The following ETV1 variants were observed in gnomAD, a reference collection of about 807,000 sequenced individuals.
ETV1 encodes the protein ETS variant transcription factor 1, also known as ETS translocation variant 1.
A neutral mutation model predicts 62.3 loss-of-function variants in ETV1; 27 were observed. The ratio of observed to expected loss-of-function variants is 0.43; its 90% CI spans 0.32 to 0.60. The LOEUF is 0.60. ETV1 is among the 20% of genes least tolerant of loss of function. The pLI is 0.06. For synonymous variants in ETV1, 222 were observed against 199.6 expected, an observed-to-expected ratio of 1.11 and a Z score of -0.94; for missense variants, 605 against 605.8, an observed-to-expected ratio of 1.00 and a Z score of 0.01.
At chr7:13,937,470 G>A (rs1373388036) in intron 7 of ETV1, among the ~76,000 whole-genome samples, 2 of 152,122 alleles carry the variant, frequency 1.3e-5, no homozygotes, top group African/African-American at 4.8e-5. Context: ...ATCACTGTGG[G>A]GACTTTTCAT....
In ETV1 at chr7:13,965,645, T is replaced by A. The variant is rs527876802; in HGVS notation, c.235+11782A>T. ...GGTTTCTCTTCATGTAAAACAGGAA[T>A]AATATCAAGTTATTTCAGAGTATTT... On this transcript the variant is annotated intron_variant, in intron 6 of 13. Transcript: ENST00000430479. Among the ~76,000 whole-genome samples, 3 of 152,270 alleles carry A rather than the reference T, an allele frequency of 2.0e-5. No homozygotes were observed. The South Asian group carries it at 6.2e-4, about 32-fold the overall frequency.
intron 6 of ETV1, among the ~76,000 whole-genome samples, chr7:13,971,553 G>A (rs768319472): frequency 1.3e-5 from 2 of 152,140 alleles, no homozygotes; most frequent in Non-Finnish European, 2.9e-5. Flanking sequence ...GCATTCCAGT[G>A]TGTTTTACTG....
At position 13,956,305 on chromosome 7, in the gene ETV1, G is replaced by T. The variant is rs149257268; in HGVS notation, c.236-17059C>A. 4.0e-5 allele frequency among the ~76,000 whole-genome samples: 6 copies of T among 151,458 alleles called. No homozygotes were observed. In the East Asian group the frequency reaches 1.2e-3, roughly 29 times the overall value. Reference sequence around the variant, plus strand: ...ATAGAGTTGTTGATACAACCTCCCAGCTGCTAGTTCACAGGATTTTTTTTT... The same window carrying T: ...ATAGAGTTGTTGATACAACCTCCCATCTGCTAGTTCACAGGATTTTTTTTT... On this transcript the variant is annotated intron_variant, in intron 6 of 13. Coordinates refer to ENST00000430479, the MANE Select transcript of ETV1 (RefSeq NM_004956.5).
Position 13,981,536 on chromosome 7 carries a change from T to C in ETV1, c.182-4056A>G, listed in dbSNP as rs555060764. On this transcript the variant is annotated intron_variant, in intron 5 of 13. Coordinates refer to ENST00000430479, the MANE Select transcript of ETV1 (RefSeq NM_004956.5). ...ACATACATACATACATACATACATA[T>C]ATATATATACACACACACAAATACA... is the stretch of plus-strand genomic sequence containing the variant. 1.7e-3 allele frequency among the ~76,000 whole-genome samples: 234 copies of C among 135,422 alleles called. 1 individual carries two copies. The highest frequency in any genetic ancestry group is 6.3e-3 in the African/African-American group (227 of 36,050). 88.8% of individuals were successfully genotyped at this position (135,422 alleles called of 152,430 possible).
chr7:13,985,301 C>T (rs1397919656), intron 5 of ETV1: 1 of 152,032 alleles, frequency 6.6e-6, no homozygotes, highest in Admixed American at 6.6e-5. Flanking sequence ...GTTTCATTTA[C>T]ACAGACTAGC....
chr7:13,946,620 A>G (rs1788195082), intron 6 of ETV1, among the ~76,000 whole-genome samples: 1 of 152,200 alleles, frequency 6.6e-6, no homozygotes, highest in Non-Finnish European at 1.5e-5. Flanking sequence ...TCTTGTCATT[A>G]TTATTCTACC....
At chr7:13,939,326 TA>T in intron 6 of ETV1, 80 bp from the exon 7 acceptor site, 1 of 1,231,810 alleles carries the variant, frequency 8.1e-7, no homozygotes, top group Non-Finnish European at 1.1e-6. Context: ...CTTCTCTTGT[TA>T]AAAAGGTCAT....
intron 9 of ETV1, among the ~76,000 whole-genome samples, chr7:13,922,248 T>C (rs1189599629): frequency 1.3e-5 from 2 of 152,266 alleles, no homozygotes; most frequent in South Asian, 2.1e-4. Context: ...AGATAGACTG[T>C]TGTGGTTGCT....
chr7:13,891,257 T>C lies in ETV1; in HGVS notation c.*4609A>G, dbSNP rs533905108. On this transcript the variant is annotated 3_prime_UTR_variant, in exon 14 of 14. Coordinates refer to ENST00000430479, the MANE Select transcript of ETV1 (RefSeq NM_004956.5). The stretch of plus-strand genomic sequence containing the variant: ...TCAGTTTCTGGGCTTTTATTTTAGA[T>C]TTAAATTTTGAGCATATTTAATTTG... The C allele has an allele frequency of 8.9e-6, 2 of 225,778 alleles. No homozygotes were observed. The highest frequency in any genetic ancestry group is 3.7e-4 in the South Asian group (2 of 5,470). The allele number at this position is 225,778 out of a possible 1,614,324, so 14.0% of individuals were successfully genotyped here. A position where few individuals can be genotyped will look rare whatever the true frequency, so the allele number is the denominator to read the frequency against.
chr7:13,908,942 A>G (rs1192805597), intron 11 of ETV1, among the ~76,000 whole-genome samples: 1 of 151,984 alleles, frequency 6.6e-6, no homozygotes, highest in African/African-American at 2.4e-5. Context: ...TTTACTTTTT[A>G]CCCAAGCTTC....
At chr7:13,943,461 C>T (rs1370653574) in intron 6 of ETV1, among the ~76,000 whole-genome samples, 2 of 152,068 alleles carry the variant, frequency 1.3e-5, no homozygotes, top group Non-Finnish European at 2.9e-5. Flanking sequence ...AACTTTCTGG[C>T]AATATCTACT....
chr7:13,935,903 A>G lies in ETV1; in HGVS notation c.366-7T>C, dbSNP rs748552258. The G allele has an allele frequency of 2.5e-6, 4 of 1,594,900 alleles. No homozygotes were observed. The highest frequency in any genetic ancestry group is 3.4e-6 in the Non-Finnish European group (4 of 1,169,062). On this transcript the variant is annotated splice_polypyrimidine_tract_variant and splice_region_variant and intron_variant, in intron 7 of 13. Transcript: ENST00000430479. ...TGGCTTCTGATCATAGGCACTACCCAGGGGACAAAAGAAGAGAGAACATTT... is the reference window on the plus strand; with the variant it reads ...TGGCTTCTGATCATAGGCACTACCCGGGGGACAAAAGAAGAGAGAACATTT...
chr7:13,895,496 C>T lies in ETV1; in HGVS notation c.*370G>A, dbSNP rs1041710714. 1.1e-5 allele frequency: 3 copies of T among 265,660 alleles called. No homozygotes were observed. Among genetic ancestry groups the T allele is most frequent in the Non-Finnish European group, 2.2e-5 (3 of 136,858 alleles). The allele number at this position is 265,660 out of a possible 1,614,324, so 16.5% of individuals were successfully genotyped here. On this transcript the variant is annotated 3_prime_UTR_variant, in exon 14 of 14. Coordinates refer to ENST00000430479, the MANE Select transcript of ETV1 (RefSeq NM_004956.5). Reference sequence around the variant, plus strand: ...CGTGAAATTAACTGTACCATAGATACCCCGATAAAATAAACATTATCTTAT... The same window carrying T: ...CGTGAAATTAACTGTACCATAGATATCCCGATAAAATAAACATTATCTTAT...
chr7:13,930,741 T>C (rs1034960460), intron 9 of ETV1, among the ~76,000 whole-genome samples: 1 of 152,148 alleles, frequency 6.6e-6, no homozygotes, highest in Non-Finnish European at 1.5e-5. Context: ...TATTCCCCTC[T>C]TAATATGTAA....
intron 6 of ETV1, among the ~76,000 whole-genome samples, chr7:13,951,130 C>A (rs989271262): frequency 6.6e-6 from 1 of 151,960 alleles, no homozygotes; most frequent in African/African-American, 2.4e-5. Context: ...CCTGCCTACC[C>A]CCTATTTAAC....
Position 13,916,264 on chromosome 7 carries a change from G to A in ETV1, c.803-4957C>T, listed in dbSNP as rs570367230. Among the ~76,000 whole-genome samples the A allele has an allele frequency of 3.9e-5, 6 of 152,288 alleles. No homozygotes were observed. In the South Asian group the frequency reaches 1.2e-3, roughly 32 times the overall value. ...GGATGTACTGAATCTACTATTGATT[G>A]AGTATGGGGGAGAAATATGTTAATT... On this transcript the variant is annotated intron_variant, in intron 9 of 13. Transcript: ENST00000430479.
chr7:13,939,183 C>G lies in ETV1; in HGVS notation c.299G>C (p.Ser100Thr). The G allele has an allele frequency of 6.2e-7, 1 of 1,613,238 alleles. No individual in the cohort carries two copies. The highest frequency in any genetic ancestry group is 8.5e-7 in the Non-Finnish European group (1 of 1,179,668). ...GGGCTGTTCTTGACTGCAGGCAGAG[C>G]TGATTTCTGAACATGGACTGTGGGG... The part of the protein sequence containing the change: ...KEPHSPCSEI[S>T]SACSQEQPFK... The change falls in exon 7 of 14, where the codon AGC becomes ACC. Residue 100 changes from serine (S) to threonine (T), a missense_variant. This residue lies in a region of ETV1 where 426 missense variants were observed against 377.8 expected (regional missense o/e 1.13). Transcript: ENST00000430479.
chr7:13,985,786 T>G (rs3801108), intron 5 of ETV1, among the ~76,000 whole-genome samples: 87,168 of 151,990 alleles, frequency 0.57, 25,350 homozygotes, highest in African/African-American at 0.64. Context: ...AAATTTCAAA[T>G]TATGAATGCC....
rs1781546150 is a variant in ETV1, at chr7:13,893,847, T to G, written c.*2019A>C. The stretch of plus-strand genomic sequence containing the variant: ...ATAGTGGGGAGAAAAGGTTCTGATT[T>G]TTAAGGCATAGTTTTCTTTTTTAGG... On this transcript the variant is annotated 3_prime_UTR_variant, in exon 14 of 14. Transcript: ENST00000430479. 4.3e-6 allele frequency: 1 copy of G among 233,078 alleles called. No homozygotes were observed. The highest frequency in any genetic ancestry group is 1.8e-4 in the South Asian group (1 of 5,526). 14.4% of individuals were successfully genotyped at this position (233,078 alleles called of 1,614,324 possible).
Sources: gnomAD v4.1 joint callset for allele counts (sites outside exome capture counted in the v4.1 genomes callset) on GRCh38, gnomAD v4.1.1 for gene constraint, gnomAD v4.1.1 regional missense constraint, MANE v1.5 for transcripts, NCBI Gene and HGNC (gene_info 2026-07-23, HGNC 2026-07-21) for gene names.